Variants in ANK2 observed in about 807,000 individuals in gnomAD.
ANK2 encodes the protein ankyrin-2.
Under a neutral mutation model 360.5 loss-of-function variants are expected in ANK2, and 83 were observed. The observed-to-expected ratio is 0.23, with a 90% CI of 0.19 to 0.28. The LOEUF (loss-of-function observed/expected upper bound fraction) is 0.28. ANK2 is among the 10% of genes least tolerant of loss of function. ANK2 has a pLI of 1.00. For missense variants in ANK2, 4,201 were observed against 4,795.7 expected (o/e 0.88, Z 3.66); for synonymous variants, 1,740 against 1,759.5 (o/e 0.99, Z 0.28).
rs567957442 is a variant in ANK2 at position 113,372,750 on chromosome 4, C to G, written c.11611-340C>G. On this transcript the variant is annotated intron_variant, in intron 43 of 45. Transcript: ENST00000357077. ...AGTGCATGGCCATTCAAAAGCAGAT[C>G]CCTTAACTCTCATAAGTTCTGTTTG... The G allele has an allele frequency of 3.5e-4, 243 of 689,948 alleles. No individual in the cohort carries two copies. In the African/African-American group the frequency reaches 3.8e-3, roughly 11 times the overall value. 42.7% of individuals were successfully genotyped at this position (689,948 alleles called of 1,614,324 possible).
chr4:113,378,221 C>G, intron 45 of ANK2: 1 of 1,036,762 alleles, frequency 9.6e-7, no homozygotes, highest in Middle Eastern at 2.4e-4. Flanking sequence ...CAACTAACAC[C>G]ATAAAAATTT....
At chr4:113,112,743 A>G (rs1442761526) in intron 1 of ANK2, among the ~76,000 whole-genome samples, 2 of 152,158 alleles carry the variant, frequency 1.3e-5, no homozygotes, top group Non-Finnish European at 2.9e-5. Context: ...TGAGAGGCAT[A>G]CACTTGGGGG....
At chr4:112,909,782 C>G (rs1220832157) in intron 2 of ANK2, among the ~76,000 whole-genome samples, 1 of 152,110 alleles carries the variant, frequency 6.6e-6, no homozygotes, top group African/African-American at 2.4e-5. Context: ...GAGACTGTGT[C>G]GAAGGTATTG....
At chr4:113,172,990 G>A (rs550631214) in intron 1 of ANK2, among the ~76,000 whole-genome samples, 49 of 152,236 alleles carry the variant, frequency 3.2e-4, no homozygotes, top group African/African-American at 1.2e-3. Flanking sequence ...CTCTGCCATT[G>A]GTACAGACTT....
chr4:113,170,129 A>C (rs2097892596), intron 1 of ANK2, among the ~76,000 whole-genome samples: 1 of 152,238 alleles, frequency 6.6e-6, no homozygotes, highest in African/African-American at 2.4e-5. Context: ...TAATCTTTGA[A>C]AGCTCTCTTT....
intron 1 of ANK2, among the ~76,000 whole-genome samples, chr4:112,873,171 T>A (rs1300239864): frequency 6.6e-6 from 1 of 152,084 alleles, no homozygotes; most frequent in Non-Finnish European, 1.5e-5. Context: ...AATAATCAAC[T>A]TTTGGTTTTG....
intron 1 of ANK2, among the ~76,000 whole-genome samples, chr4:113,060,602 G>A (rs952760822): frequency 6.7e-6 from 1 of 150,142 alleles, no homozygotes; most frequent in Non-Finnish European, 1.5e-5. Context: ...AAAGAAATAG[G>A]AGTTTTGTTT....
intron 2 of ANK2, among the ~76,000 whole-genome samples, chr4:112,941,224 T>C (rs924741367): frequency 1.3e-5 from 2 of 150,416 alleles, no homozygotes; most frequent in Admixed American, 6.6e-5. Flanking sequence ...ATGAACCTAA[T>C]TCGGTTAAAA....
In ANK2 at chr4:113,332,079, G is replaced by T. The variant is rs781406360; in HGVS notation, c.3224+9G>T. ...GGAACCAAATTCCTTGGGTAGGAGT[G>T]ACTTAAAACAAATTGATGGCTGCTG... is the stretch of plus-strand genomic sequence containing the variant. On this transcript the variant is annotated intron_variant, in intron 28 of 45. Coordinates refer to ENST00000357077, the MANE Select transcript of ANK2 (RefSeq NM_001148.6). 3 of 1,606,256 alleles carry T rather than the reference G, an allele frequency of 1.9e-6. No homozygotes were observed. Among genetic ancestry groups the T allele is most frequent in the South Asian group, 1.1e-5 (1 of 90,864 alleles).
At chr4:112,757,116 T>TA in the ANK2 span, among the ~76,000 whole-genome samples, 1 of 149,838 alleles carries the variant, frequency 6.7e-6, no homozygotes, top group African/African-American at 2.4e-5. Context: ...TCTTTTCTTT[T>TA]TTTTTTTTTT....
intron 2 of ANK2, among the ~76,000 whole-genome samples, chr4:112,917,209 C>T (rs1434002504): frequency 2.0e-5 from 3 of 152,198 alleles, no homozygotes; most frequent in Non-Finnish European, 2.9e-5. Flanking sequence ...GTGACAAGCA[C>T]CACAATGAAA....
At chr4:112,960,268 T>TATA (rs1166395882) in intron 2 of ANK2, among the ~76,000 whole-genome samples, 1 of 152,098 alleles carries the variant, frequency 6.6e-6, no homozygotes, top group Non-Finnish European at 1.5e-5. Flanking sequence ...TGGGGTCTGG[T>TATA]TGTCTAGATG....
chr4:113,295,611 T>G (rs2070852663), intron 22 of ANK2, among the ~76,000 whole-genome samples: 1 of 152,148 alleles, frequency 6.6e-6, no homozygotes, highest in Admixed American at 6.5e-5. Flanking sequence ...TTCTCTACAT[T>G]CTGTAGCTGA....
rs533757642 is a variant in ANK2, at chr4:112,865,027, A to G, written c.-39-39428A>G. On this transcript the variant is annotated intron_variant, in intron 1 of 30. Coordinates refer to the ANK2 transcript ENST00000503271. ...AGCCTGGGCGACAGAGCGAGACTCCATCTCAAAAAAAAAAAAAAAAAAAAA... is the reference window on the plus strand; with the variant it reads ...AGCCTGGGCGACAGAGCGAGACTCCGTCTCAAAAAAAAAAAAAAAAAAAAA... 4.1e-3 allele frequency among the ~76,000 whole-genome samples: 423 copies of G among 104,434 alleles called. 4 individuals are homozygous for G. Among genetic ancestry groups the G allele is most frequent in the African/African-American group, 0.015 (367 of 24,836 alleles). The allele number at this position is 104,434 out of a possible 152,430, so 68.5% of individuals were successfully genotyped here.
At position 112,881,645 on chromosome 4, in the gene ANK2, A is replaced by C. The variant is rs138285072; in HGVS notation, c.-39-22810A>C. The C allele has an allele frequency of 1.1e-3, 449 of 413,742 alleles. 4 individuals are homozygous for C. In the Middle Eastern group the frequency reaches 0.014, roughly 13 times the overall value. 25.6% of individuals were successfully genotyped at this position (413,742 alleles called of 1,614,324 possible). A position where few individuals can be genotyped will look rare whatever the true frequency, so the allele number is the denominator to read the frequency against. ...TTAAAACTCTTTGTTGGAATGCTTT[A>C]CACTTTCCACAGAACAGAAGCTAAA... On this transcript the variant is annotated intron_variant, in intron 1 of 30. Transcript: ENST00000503271.
At chr4:112,990,978 T>A (rs2046534227) in intron 2 of ANK2, among the ~76,000 whole-genome samples, 1 of 152,094 alleles carries the variant, frequency 6.6e-6, no homozygotes, top group Non-Finnish European at 1.5e-5. Context: ...TGGGCAAGGC[T>A]CAGTGGTTCA....
At chr4:112,753,269 A>G in the ANK2 span, among the ~76,000 whole-genome samples, 1 of 152,318 alleles carries the variant, frequency 6.6e-6, no homozygotes, top group Admixed American at 6.5e-5. Context: ...AAACCCATAG[A>G]TATTACAGTT....
intron 14 of ANK2, among the ~76,000 whole-genome samples, chr4:113,273,712 C>A (rs1345503091): frequency 6.6e-6 from 1 of 152,196 alleles, no homozygotes; most frequent in East Asian, 1.9e-4. Flanking sequence ...AACATTATTT[C>A]CAACTACACT....
At chr4:112,894,135 C>T (rs1470936151) in intron 1 of ANK2, among the ~76,000 whole-genome samples, 1 of 152,104 alleles carries the variant, frequency 6.6e-6, no homozygotes. Context: ...TGTGATGTCC[C>T]ATTTCAAAAT....
Sources: gnomAD v4.1 joint callset for allele counts (sites outside exome capture counted in the v4.1 genomes callset) on GRCh38, gnomAD v4.1.1 for gene constraint, MANE v1.5 for transcripts, NCBI Gene and HGNC (gene_info 2026-07-23, HGNC 2026-07-21) for gene names.